GRIN2B: variants seen among roughly 807,000 people sequenced by gnomAD.
The protein encoded by GRIN2B is glutamate ionotropic receptor NMDA type subunit 2B.
A neutral mutation model predicts 114.5 loss-of-function variants in GRIN2B; 5 were observed. The observed-to-expected ratio is 0.04, with a 90% CI of 0.02 to 0.09. The LOEUF (loss-of-function observed/expected upper bound fraction) is 0.09, where lower values mean the gene tolerates loss of function less well. Ranked by LOEUF, GRIN2B falls within the 10% of genes least tolerant of loss-of-function variation. The pLI is 1.00. For missense variants in GRIN2B, 1,108 were observed against 1,943.5 expected, an observed-to-expected ratio of 0.57 and a Z score of 8.08; for synonymous variants, 787 against 745.1, an observed-to-expected ratio of 1.06 and a Z score of -0.92.
At position 13,561,505 on chromosome 12, in the gene GRIN2B, A is replaced by T. The variant is rs1948543286; in HGVS notation, c.*1278T>A. 1 of 152,578 alleles carries T rather than the reference A, an allele frequency of 6.6e-6. No homozygotes were observed. Among genetic ancestry groups the T allele is most frequent in the Non-Finnish European group, 1.5e-5 (1 of 68,038 alleles). 9.5% of individuals were successfully genotyped at this position (152,578 alleles called of 1,614,324 possible). On this transcript the variant is annotated 3_prime_UTR_variant, in exon 14 of 14. Coordinates refer to ENST00000609686, the MANE Select transcript of GRIN2B (RefSeq NM_000834.5). ...TTGGGGGGAAGAAGCCTGCTCGTCTAGCTTCAGGTTAAGTAAGAAGGGATC... is the reference window on the plus strand; with the variant it reads ...TTGGGGGGAAGAAGCCTGCTCGTCTTGCTTCAGGTTAAGTAAGAAGGGATC...
rs1407440111 is a variant in GRIN2B at position 13,547,224 on chromosome 12, G to T, written c.*15559C>A. Reference sequence around the variant, plus strand: ...CCAGGAGGCTGGGAGGTGAGGAAGGGTTTCCAAGTAAGGAGCTTGGAAGGT... The same window carrying T: ...CCAGGAGGCTGGGAGGTGAGGAAGGTTTTCCAAGTAAGGAGCTTGGAAGGT... On this transcript the variant is annotated 3_prime_UTR_variant, in exon 14 of 14. Coordinates refer to ENST00000609686, the MANE Select transcript of GRIN2B (RefSeq NM_000834.5). 2 of 152,296 alleles carry T rather than the reference G, an allele frequency of 1.3e-5. No homozygotes were observed. Among genetic ancestry groups the T allele is most frequent in the Middle Eastern group, 6.7e-3 (2 of 298 alleles). The allele number at this position is 152,296 out of a possible 1,614,324, so 9.4% of individuals were successfully genotyped here.
At chr12:13,661,502 G>A (rs772120789) in intron 5 of GRIN2B, among the ~76,000 whole-genome samples, 2 of 152,114 alleles carry the variant, frequency 1.3e-5, no homozygotes, top group Non-Finnish European at 2.9e-5. Context: ...AGACTCCAAG[G>A]TAAACTGCAG....
chr12:13,784,059 T>C (rs151015138), intron 3 of GRIN2B, among the ~76,000 whole-genome samples: 3,449 of 151,642 alleles, frequency 0.023, 309 homozygotes, highest in Admixed American at 0.17. Flanking sequence ...CCGTCTCTAC[T>C]AAAAACTACA....
At chr12:13,739,697 A>T (rs140346378) in intron 4 of GRIN2B, among the ~76,000 whole-genome samples, 183 of 152,310 alleles carry the variant, frequency 1.2e-3, no homozygotes, top group African/African-American at 4.3e-3. Flanking sequence ...CTAAACACAC[A>T]AGTGTCCAAC....
At chr12:13,721,864 A>T (rs573556154) in intron 4 of GRIN2B, among the ~76,000 whole-genome samples, 1 of 152,286 alleles carries the variant, frequency 6.6e-6, no homozygotes, top group East Asian at 1.9e-4. Flanking sequence ...GCGAACATTT[A>T]GTGGTGGGTA....
At position 13,753,142 on chromosome 12, in the gene GRIN2B, G is replaced by C. The variant is rs1863513537; in HGVS notation, c.1010+175C>G. Among the ~76,000 whole-genome samples, 1 of 152,152 alleles carries C rather than the reference G, an allele frequency of 6.6e-6. No homozygotes were observed. The highest frequency in any genetic ancestry group is 2.4e-5 in the African/African-American group (1 of 41,450). Reference sequence around the variant, plus strand: ...GTGCTCAATAAATGAAAGTTGTTTTGGCAAGGTTGGATCCAAAACACTCCC... The same window carrying C: ...GTGCTCAATAAATGAAAGTTGTTTTCGCAAGGTTGGATCCAAAACACTCCC... On this transcript the variant is annotated intron_variant, in intron 4 of 13. Transcript: ENST00000609686. The surrounding 1 kb of genome is among the most constrained non-coding windows in gnomAD (Gnocchi z 6.2).
chr12:13,845,091 A>C (rs969305734), intron 3 of GRIN2B, among the ~76,000 whole-genome samples: 14 of 152,306 alleles, frequency 9.2e-5, no homozygotes, highest in African/African-American at 3.4e-4. Context: ...AGGGTGCCAC[A>C]TTTGGAGGAA....
At chr12:13,980,933 C>T (rs1020366796) in intron 1 of GRIN2B, among the ~76,000 whole-genome samples, 1 of 152,088 alleles carries the variant, frequency 6.6e-6, no homozygotes. Flanking sequence ...GCGCCCCGCG[C>T]GCACTCACAC....
rs149292382 is a variant in GRIN2B, at chr12:13,593,179, A to C, written c.2010+15424T>G. Among the ~76,000 whole-genome samples, 331 of 152,368 alleles carry C rather than the reference A, an allele frequency of 2.2e-3. 1 individual carries two copies. Among genetic ancestry groups the C allele is most frequent in the African/African-American group, 7.5e-3 (314 of 41,590 alleles). ...TCAAGCTACCATTGACTTTCTTCACAGAATTGGAAAAAACTACTTTAAATT... is the reference window on the plus strand; with the variant it reads ...TCAAGCTACCATTGACTTTCTTCACCGAATTGGAAAAAACTACTTTAAATT... On this transcript the variant is annotated intron_variant, in intron 10 of 13. Transcript: ENST00000609686.
At chr12:13,701,617 CTG>C (rs1385514193) in intron 4 of GRIN2B, among the ~76,000 whole-genome samples, 1 of 152,110 alleles carries the variant, frequency 6.6e-6, no homozygotes, top group Non-Finnish European at 1.5e-5. Flanking sequence ...CAAGCAGTGC[CTG>C]CTCTAACTGA....
chr12:13,666,506 G>A (rs1949977187), intron 5 of GRIN2B, among the ~76,000 whole-genome samples: 1 of 152,124 alleles, frequency 6.6e-6, no homozygotes, highest in Non-Finnish European at 1.5e-5. Flanking sequence ...TGAATAATCT[G>A]AATGCTATGG....
At chr12:13,752,342 C>T (rs905430454) in intron 4 of GRIN2B, among the ~76,000 whole-genome samples, 1 of 152,174 alleles carries the variant, frequency 6.6e-6, no homozygotes, top group African/African-American at 2.4e-5. Context: ...AGCAAGTATA[C>T]TTATATTTCC....
chr12:13,647,538 G>T (rs578207866), intron 5 of GRIN2B, among the ~76,000 whole-genome samples: 1 of 152,024 alleles, frequency 6.6e-6, no homozygotes, highest in East Asian at 1.9e-4. Context: ...AATGTATATG[G>T]TCTTGAAGTT....
rs548829162 is a variant in GRIN2B, at chr12:13,691,605, C to T, written c.1011-15746G>A. Among the ~76,000 whole-genome samples the T allele has an allele frequency of 5.3e-5, 8 of 152,136 alleles. No homozygotes were observed. The South Asian group carries it at 1.5e-3, about 28-fold the overall frequency. On this transcript the variant is annotated intron_variant, in intron 4 of 13. Transcript: ENST00000609686. ...GATTATATTAAGTTAAAAACACATT[C>T]GATATGATTGGGGAAAGGAAGCAAA...
intron 2 of GRIN2B, among the ~76,000 whole-genome samples, chr12:13,978,878 C>A (rs1334891548): frequency 6.6e-6 from 1 of 152,192 alleles, no homozygotes; most frequent in Non-Finnish European, 1.5e-5. Context: ...ATTTCTCCTG[C>A]TATTTCTCTT....
chr12:13,681,707 T>G (rs904562842), intron 4 of GRIN2B, among the ~76,000 whole-genome samples: 2 of 152,178 alleles, frequency 1.3e-5, no homozygotes, highest in African/African-American at 2.4e-5. Flanking sequence ...TAGTTTTTAG[T>G]GTGTATATGT....
At chr12:13,909,580 T>C (rs1265088513) in intron 2 of GRIN2B, among the ~76,000 whole-genome samples, 1 of 152,246 alleles carries the variant, frequency 6.6e-6, no homozygotes, top group Non-Finnish European at 1.5e-5. Context: ...CCACATGGTC[T>C]GGTGCCCAGC....
intron 2 of GRIN2B, among the ~76,000 whole-genome samples, chr12:13,913,357 A>G (rs747991813): frequency 2.0e-5 from 3 of 152,122 alleles, no homozygotes; most frequent in Non-Finnish European, 4.4e-5. Context: ...GAAACAGGTG[A>G]CAGAAGAGAG....
At chr12:13,897,539 T>C (rs1371639810) in intron 2 of GRIN2B, among the ~76,000 whole-genome samples, 1 of 152,166 alleles carries the variant, frequency 6.6e-6, no homozygotes, top group Admixed American at 6.5e-5. Flanking sequence ...TCTATTTCAA[T>C]CTGTAGAAAA....
Sources: allele counts gnomAD v4.1 joint callset (sites outside exome capture counted in the v4.1 genomes callset), GRCh38; gene constraint gnomAD v4.1.1; non-coding constraint Gnocchi (gnomAD v3.1); transcripts MANE v1.5; gene names NCBI Gene and HGNC (gene_info 2026-07-23, HGNC 2026-07-21).